Variants in RERE observed in about 807,000 individuals in gnomAD.
RERE encodes the protein arginine-glutamic acid dipeptide repeats.
Under a neutral mutation model 146.1 loss-of-function variants are expected in RERE, and 40 were observed. That is an observed-to-expected ratio of 0.27 (90% CI 0.21 to 0.36). The LOEUF (loss-of-function observed/expected upper bound fraction) is 0.36, where lower values mean the gene tolerates loss of function less well. RERE is among the 10% of genes least tolerant of loss of function. The pLI is 1.00. For synonymous variants in RERE, 1,003 were observed against 866.0 expected (o/e 1.16, Z -2.78); for missense variants, 1,933 against 2,138.7 (o/e 0.90, Z 1.90).
intron 11 of RERE, among the ~76,000 whole-genome samples, chr1:8,444,362 G>A (rs1644291224): frequency 1.3e-5 from 2 of 152,174 alleles, no homozygotes; most frequent in South Asian, 2.1e-4. Context: ...GCCTATACCC[G>A]CATTGTATCT....
At chr1:8,404,821 G>A (rs755606711) in intron 12 of RERE, among the ~76,000 whole-genome samples, 19 of 152,176 alleles carry the variant, frequency 1.2e-4, no homozygotes, top group South Asian at 2.1e-4. Context: ...GCTGCTCTGG[G>A]TGAGGTGATA....
intron 1 of RERE, among the ~76,000 whole-genome samples, chr1:8,790,469 A>C (rs1388488230): frequency 6.6e-6 from 1 of 152,212 alleles, no homozygotes; most frequent in Non-Finnish European, 1.5e-5. Flanking sequence ...AACAGCCTAG[A>C]GTTTAATAAA....
intron 11 of RERE, among the ~76,000 whole-genome samples, chr1:8,427,945 C>T (rs1644039660): frequency 6.6e-6 from 1 of 152,182 alleles, no homozygotes. Flanking sequence ...TAACAATTAA[C>T]ACTATTGACT....
intron 12 of RERE, among the ~76,000 whole-genome samples, chr1:8,412,376 G>A (rs189180682): frequency 6.6e-6 from 1 of 152,276 alleles, no homozygotes; most frequent in East Asian, 1.9e-4. Context: ...ATATGATGAT[G>A]ACTCACTAAC....
chr1:8,421,156 T>C (rs1209420807), intron 12 of RERE, among the ~76,000 whole-genome samples: 1 of 152,252 alleles, frequency 6.6e-6, no homozygotes, highest in South Asian at 2.1e-4. Flanking sequence ...AAATTCTTCA[T>C]GGTTTGCAAC....
intron 1 of RERE, among the ~76,000 whole-genome samples, chr1:8,804,946 G>A (rs1478156411): frequency 1.3e-5 from 2 of 151,338 alleles, no homozygotes; most frequent in Non-Finnish European, 2.9e-5. Context: ...TATAGAGAAA[G>A]AGTACTATAT....
chr1:8,379,042 C>T (rs1208332764), intron 12 of RERE, among the ~76,000 whole-genome samples: 1 of 152,226 alleles, frequency 6.6e-6, no homozygotes, highest in Non-Finnish European at 1.5e-5. Flanking sequence ...CCACACAGTT[C>T]CCTCACGACG....
At chr1:8,627,802 C>A (rs190258592) in intron 2 of RERE, among the ~76,000 whole-genome samples, 1 of 152,222 alleles carries the variant, frequency 6.6e-6, no homozygotes, top group Non-Finnish European at 1.5e-5. Flanking sequence ...AACCTATGTT[C>A]TTTCATTTCC....
chr1:8,686,793 C>G (rs1639098101), intron 1 of RERE, among the ~76,000 whole-genome samples: 1 of 152,040 alleles, frequency 6.6e-6, no homozygotes, highest in South Asian at 2.1e-4. Context: ...GACAAGTACT[C>G]TAGGGGAAAA....
chr1:8,654,166 A>C (rs1647795607), intron 2 of RERE, among the ~76,000 whole-genome samples: 2 of 151,816 alleles, frequency 1.3e-5, no homozygotes, highest in Admixed American at 1.3e-4. Context: ...CAGCCTCCTG[A>C]GTAGCTGGGA....
intron 12 of RERE, among the ~76,000 whole-genome samples, chr1:8,386,008 ATATATATATATATATTTTTTTTT>A (rs1642651121): frequency 7.3e-5 from 3 of 41,342 alleles, no homozygotes; most frequent in Admixed American, 2.9e-4. Flanking sequence ...ATATATATAT[ATATATATATATATATTTTTTTTT>A]TTTTTTTTTT....
rs1024061329 is a variant in RERE, at chr1:8,690,891, T to TTTTATTTA, written c.-144-34458_-144-34451dup. 1.3e-3 allele frequency among the ~76,000 whole-genome samples: 205 copies of TTTTATTTA among 152,010 alleles called. 3 individuals are homozygous for TTTTATTTA. Among genetic ancestry groups the TTTTATTTA allele is most frequent in the Non-Finnish European group, 3.7e-4 (25 of 68,012 alleles). On this transcript the variant is annotated intron_variant, in intron 1 of 22. Transcript: ENST00000400908. Reference sequence around the variant, plus strand: ...GCCAAAATTTTAGTTTATTTTTTATTTTTATTTATTTATTTATTTATTTTT... The same window carrying TTTTATTTA: ...GCCAAAATTTTAGTTTATTTTTTATTTTTATTTATTTATTTATTTATTTATTTATTTTT...
At chr1:8,701,285 A>AACAC (rs1639441101) in intron 1 of RERE, among the ~76,000 whole-genome samples, 1 of 93,840 alleles carries the variant, frequency 1.1e-5, no homozygotes. Flanking sequence ...GGGTGAGGGG[A>AACAC]ATACACACAC....
chr1:8,505,469 T>G (rs1458133156), intron 8 of RERE, among the ~76,000 whole-genome samples: 1 of 152,178 alleles, frequency 6.6e-6, no homozygotes. Context: ...AGCTGAGTAA[T>G]GAAGAGAAGG....
chr1:8,673,074 T>C (rs1266804675), intron 1 of RERE, among the ~76,000 whole-genome samples: 1 of 152,158 alleles, frequency 6.6e-6, no homozygotes, highest in Non-Finnish European at 1.5e-5. Context: ...ATAACTTTTA[T>C]CATTTAGAGG....
At chr1:8,697,385 C>CCCGGGA (rs1639354642) in intron 1 of RERE, among the ~76,000 whole-genome samples, 1 of 126,662 alleles carries the variant, frequency 7.9e-6, no homozygotes. Flanking sequence ...AACCACACCC[C>CCCGGGA]CCCCACACAA....
At chr1:8,377,419 C>T (rs1275223067) in intron 12 of RERE, among the ~76,000 whole-genome samples, 1 of 152,010 alleles carries the variant, frequency 6.6e-6, no homozygotes, top group African/African-American at 2.4e-5. Flanking sequence ...CCTCCCAAAC[C>T]CTAAGAATTC....
chr1:8,458,518 G>T (rs1366237387), intron 11 of RERE, among the ~76,000 whole-genome samples: 1 of 152,182 alleles, frequency 6.6e-6, no homozygotes, highest in Non-Finnish European at 1.5e-5. Context: ...TCAATGTGGG[G>T]TTACTTTCCA....
rs146897326 is a variant in RERE at position 8,361,976 on chromosome 1, T to C, written c.1903-100A>G. 29 of 813,642 alleles carry C rather than the reference T, an allele frequency of 3.6e-5. No individual in the cohort carries two copies. The African/African-American group carries it at 4.8e-4, about 13-fold the overall frequency. 50.4% of individuals were successfully genotyped at this position (813,642 alleles called of 1,614,324 possible). A position where few individuals can be genotyped will look rare whatever the true frequency, so the allele number is the denominator to read the frequency against. On this transcript the variant is annotated intron_variant, in intron 16 of 22. Transcript: ENST00000400908. ...GTTTGCAGACACTTTGCTCCCTCAT[T>C]CTGAGTTCCATCTCCAGGAGCAAAA...
Sources: allele counts gnomAD v4.1 joint callset (sites outside exome capture counted in the v4.1 genomes callset), GRCh38; gene constraint gnomAD v4.1.1; transcripts MANE v1.5; gene names NCBI Gene and HGNC (gene_info 2026-07-23, HGNC 2026-07-21).